The following PCNX1 variants were observed in gnomAD, a reference collection of about 807,000 sequenced individuals.
PCNX1 encodes the protein pecanex-like protein 1.
Under a neutral mutation model 242.2 loss-of-function variants are expected in PCNX1, and 78 were observed. That is an observed-to-expected ratio of 0.32 (90% CI 0.27 to 0.39). The LOEUF is 0.39. PCNX1 is among the 10% of genes least tolerant of loss of function. The probability of loss-of-function intolerance (pLI) is 1.00; values close to 1 mark genes in which losing one functional copy is unlikely to be tolerated. For synonymous variants in PCNX1, 1,024 were observed against 1,032.9 expected, an observed-to-expected ratio of 0.99 and a Z score of 0.17; for missense variants, 2,581 against 2,856.5, an observed-to-expected ratio of 0.90 and a Z score of 2.20.
intron 1 of PCNX1, among the ~76,000 whole-genome samples, chr14:70,915,691 T>C (rs1290148042): frequency 1.3e-5 from 2 of 152,234 alleles, no homozygotes; most frequent in South Asian, 4.1e-4. Flanking sequence ...TGAATACTCT[T>C]GTAGTTAAAT....
chr14:71,054,847 A>G (rs1054522260), intron 24 of PCNX1, among the ~76,000 whole-genome samples: 1 of 152,112 alleles, frequency 6.6e-6, no homozygotes, highest in African/African-American at 2.4e-5. Context: ...CATTAGGGAC[A>G]TTTTTTTGTG....
intron 1 of PCNX1, among the ~76,000 whole-genome samples, chr14:70,911,085 A>C (rs1017836004): frequency 8.9e-5 from 11 of 122,988 alleles, no homozygotes; most frequent in African/African-American, 3.3e-4. Context: ...TTAAAATCTC[A>C]GACAGCCATA....
At chr14:70,949,479 T>TAC (rs771900196) in intron 2 of PCNX1, among the ~76,000 whole-genome samples, 5 of 151,906 alleles carry the variant, frequency 3.3e-5, no homozygotes, top group East Asian at 1.9e-4. Flanking sequence ...TGTATATATA[T>TAC]ACACACACAC....
chr14:70,996,419 A>G (rs1229324932), intron 8 of PCNX1, among the ~76,000 whole-genome samples: 1 of 152,166 alleles, frequency 6.6e-6, no homozygotes, highest in Non-Finnish European at 1.5e-5. Context: ...ACAGTACTCT[A>G]AGGACATCAT....
At chr14:71,089,158 A>G in intron 29 of PCNX1, 34 bp from the exon 30 acceptor site, 1 of 1,550,058 alleles carries the variant, frequency 6.5e-7, no homozygotes, top group Non-Finnish European at 8.8e-7. Context: ...GACCTTTGTC[A>G]AAACATGTGA....
In PCNX1 at chr14:70,978,316, A is replaced by C. The variant is rs765145987; in HGVS notation, c.1979A>C (p.His660Pro). 7 of 1,614,202 alleles carry C rather than the reference A, an allele frequency of 4.3e-6. No homozygotes were observed. The highest frequency in any genetic ancestry group is 5.9e-6 in the Non-Finnish European group (7 of 1,180,032). The change falls in exon 6 of 36, where the codon CAC becomes CCC. Residue 660 changes from histidine to proline, a missense_variant. This residue lies in a region of PCNX1 where 1,204 missense variants were observed against 1,216.7 expected (regional missense o/e 0.99). Coordinates refer to ENST00000304743, the MANE Select transcript of PCNX1 (RefSeq NM_014982.3). ...KERGTDSEHT[H>P]KAHLVPEGTS... is the part of the protein sequence containing the mutation. ...AGGGGCACAGACTCTGAACACACACACAAAGCTCATTTGGTTCCTGAAGGA... is the reference window on the plus strand; with the variant it reads ...AGGGGCACAGACTCTGAACACACACCCAAAGCTCATTTGGTTCCTGAAGGA...
intron 24 of PCNX1, chr14:71,053,462 C>G (rs1280009027): frequency 1.2e-5 from 4 of 347,334 alleles, no homozygotes; most frequent in Non-Finnish European, 2.2e-5. Context: ...GGATTACAGG[C>G]GCCCACCAGC....
chr14:71,108,527 G>A, intron 33 of PCNX1, 77 bp from the exon 34 acceptor site: 7 of 1,183,644 alleles, frequency 5.9e-6, no homozygotes, highest in Non-Finnish European at 8.4e-6. Flanking sequence ...AGGGGAAAAA[G>A]TCTTAGAAAC....
chr14:71,035,754 A>G (rs1020220651), intron 18 of PCNX1, among the ~76,000 whole-genome samples: 1 of 151,890 alleles, frequency 6.6e-6, no homozygotes, highest in East Asian at 1.9e-4. Flanking sequence ...CTAAAAATAC[A>G]AAATATTAGC....
At position 71,073,544 on chromosome 14, in the gene PCNX1, G is replaced by T; in HGVS notation, c.4853-1G>T. On this transcript the variant is annotated splice_acceptor_variant, in intron 26 of 35. Coordinates refer to ENST00000304743, the MANE Select transcript of PCNX1 (RefSeq NM_014982.3). LOFTEE classifies it high-confidence loss of function. ...TGTAAAGCTCTCTCTCTCTCTCTAA[G>T]GTACCTACTGTCAACAACGGGAAGT... The T allele has an allele frequency of 6.2e-7, 1 of 1,602,904 alleles. No homozygotes were observed. Among genetic ancestry groups the T allele is most frequent in the South Asian group, 1.1e-5 (1 of 88,982 alleles).
At chr14:70,948,671 A>G (rs759841386) in intron 2 of PCNX1, among the ~76,000 whole-genome samples, 1 of 150,696 alleles carries the variant, frequency 6.6e-6, no homozygotes, top group Non-Finnish European at 1.5e-5. Flanking sequence ...ACACGTGTCT[A>G]TATAGATGTG....
At chr14:70,941,589 TGAG>T (rs1259342117) in intron 1 of PCNX1, among the ~76,000 whole-genome samples, 2 of 152,234 alleles carry the variant, frequency 1.3e-5, no homozygotes, top group African/African-American at 4.8e-5. Flanking sequence ...GGGACCCACT[TGAG>T]GAGGCAGTTT....
intron 1 of PCNX1, among the ~76,000 whole-genome samples, chr14:70,929,842 A>T (rs2056724613): frequency 6.6e-6 from 1 of 152,242 alleles, no homozygotes. Context: ...AATAAATTGG[A>T]CAAAATCATT....
intron 8 of PCNX1, among the ~76,000 whole-genome samples, chr14:70,997,916 T>C (rs984864940): frequency 3.3e-5 from 5 of 152,190 alleles, no homozygotes; most frequent in Admixed American, 1.3e-4. Context: ...CTCAAATATA[T>C]TAAAGTTAGC....
chr14:70,934,728 A>C (rs2056933648), intron 1 of PCNX1, among the ~76,000 whole-genome samples: 1 of 152,226 alleles, frequency 6.6e-6, no homozygotes, highest in Non-Finnish European at 1.5e-5. Flanking sequence ...TAAAGTAGTC[A>C]GATTTATAGA....
chr14:71,069,231 T>G (rs1254883233), intron 26 of PCNX1, among the ~76,000 whole-genome samples: 3 of 152,184 alleles, frequency 2.0e-5, no homozygotes, highest in Non-Finnish European at 4.4e-5. Context: ...CTCACAATTA[T>G]GGAATTATGG....
chr14:70,985,889 C>G (rs1218989859), intron 6 of PCNX1, among the ~76,000 whole-genome samples: 1 of 152,100 alleles, frequency 6.6e-6, no homozygotes, highest in African/African-American at 2.4e-5. Context: ...CTCTGATTCC[C>G]TAGTTAAAAG....
intron 3 of PCNX1, chr14:70,965,230 T>A (rs1453238989): frequency 6.6e-6 from 1 of 152,216 alleles, no homozygotes; most frequent in African/African-American, 2.4e-5. Flanking sequence ...TTTGTCACTT[T>A]TCTACCTTCA....
chr14:71,050,512 T>G (rs377727245), intron 22 of PCNX1, 140 bp from the exon 23 acceptor site: 2 of 659,198 alleles, frequency 3.0e-6, no homozygotes, highest in Non-Finnish European at 4.9e-6. Flanking sequence ...TTTCCTGTTA[T>G]GTAAATGGCA....
Sources: allele counts gnomAD v4.1 joint callset (sites outside exome capture counted in the v4.1 genomes callset), GRCh38; gene constraint gnomAD v4.1.1; regional missense constraint gnomAD v4.1.1; transcripts MANE v1.5; gene names NCBI Gene and HGNC (gene_info 2026-07-23, HGNC 2026-07-21).